UNC13C: variants seen among roughly 807,000 people sequenced by gnomAD.
UNC13C encodes protein unc-13 homolog C.
UNC13C carries 174 observed loss-of-function variants against 245.4 expected under a neutral mutation model. The observed-to-expected ratio is 0.71, with a 90% CI of 0.63 to 0.80. The LOEUF (loss-of-function observed/expected upper bound fraction) is 0.80. Ranked by LOEUF, UNC13C falls within the 30% of genes least tolerant of loss-of-function variation. The probability of loss-of-function intolerance (pLI) is 0.00; values close to 1 mark genes in which losing one functional copy is unlikely to be tolerated. For synonymous variants in UNC13C, 992 were observed against 895.1 expected (o/e 1.11, Z -1.93); for missense variants, 2,829 against 2,602.9 (o/e 1.09, Z -1.89).
At chr15:54,336,025 A>G (rs2038565214) in intron 16 of UNC13C, among the ~76,000 whole-genome samples, 1 of 146,340 alleles carries the variant, frequency 6.8e-6, no homozygotes, top group Non-Finnish European at 1.5e-5. Flanking sequence ...TTATTTGTCT[A>G]AAAATTAATA....
At chr15:54,424,744 C>G (rs2040723188) in intron 19 of UNC13C, among the ~76,000 whole-genome samples, 1 of 151,604 alleles carries the variant, frequency 6.6e-6, no homozygotes, top group Non-Finnish European at 1.5e-5. Context: ...TTTTTAGAAT[C>G]ATAGTAGAAG....
chr15:54,447,966 A>G (rs1029473935), intron 19 of UNC13C, among the ~76,000 whole-genome samples: 4 of 152,142 alleles, frequency 2.6e-5, no homozygotes, highest in Non-Finnish European at 4.4e-5. Context: ...AGATTCTGGT[A>G]TGTTGTGTCT....
intron 4 of UNC13C, among the ~76,000 whole-genome samples, chr15:54,226,730 C>A (rs543392505): frequency 6.6e-6 from 1 of 152,180 alleles, no homozygotes; most frequent in Non-Finnish European, 1.5e-5. Flanking sequence ...GCTCCAGGCA[C>A]CAGCACACAT....
intron 5 of UNC13C, among the ~76,000 whole-genome samples, chr15:54,235,436 A>C (rs2035667154): frequency 6.6e-6 from 1 of 152,218 alleles, no homozygotes; most frequent in Non-Finnish European, 1.5e-5. Context: ...AATGACCAGA[A>C]GTTTAATTCA....
chr15:54,515,518 C>CCTGTATCAT (rs1894931942), intron 24 of UNC13C, among the ~76,000 whole-genome samples: 1 of 152,076 alleles, frequency 6.6e-6, no homozygotes, highest in Non-Finnish European at 1.5e-5. Context: ...AATTTGTAAT[C>CCTGTATCAT]TAATATATAC....
At chr15:53,914,999 C>G in the UNC13C span, among the ~76,000 whole-genome samples, 53 of 152,214 alleles carry the variant, frequency 3.5e-4, no homozygotes, top group African/African-American at 1.2e-3. Context: ...AAGAAGGGTG[C>G]CGGGGAATGT....
At chr15:54,055,056 T>C (rs140389657) in intron 2 of UNC13C, among the ~76,000 whole-genome samples, 143 of 152,302 alleles carry the variant, frequency 9.4e-4, no homozygotes, top group Middle Eastern at 3.4e-3. Context: ...GGCATTATTA[T>C]AGGGGTCAAG....
At chr15:54,121,391 C>CTA (rs1345570317) in intron 2 of UNC13C, among the ~76,000 whole-genome samples, 6 of 151,988 alleles carry the variant, frequency 3.9e-5, no homozygotes, top group Admixed American at 3.9e-4. Context: ...AGACCTAATG[C>CTA]TATTAAACTA....
intron 30 of UNC13C, among the ~76,000 whole-genome samples, chr15:54,596,725 C>G (rs1414432531): frequency 6.6e-6 from 1 of 152,102 alleles, no homozygotes; most frequent in African/African-American, 2.4e-5. Context: ...GCTGCCCTCC[C>G]CATGGAAATG....
intron 2 of UNC13C, among the ~76,000 whole-genome samples, chr15:54,022,173 A>T (rs1895928833): frequency 6.6e-6 from 1 of 152,234 alleles, no homozygotes; most frequent in Admixed American, 6.5e-5. Context: ...ATTTTCTGAA[A>T]TGGCCGTGCT....
At chr15:54,509,523 C>A (rs1894642288) in intron 23 of UNC13C, among the ~76,000 whole-genome samples, 1 of 151,844 alleles carries the variant, frequency 6.6e-6, no homozygotes, top group Non-Finnish European at 1.5e-5. Context: ...AACTTTGTTC[C>A]AGATTGAGAT....
intron 17 of UNC13C, among the ~76,000 whole-genome samples, chr15:54,347,034 G>A (rs539003824): frequency 6.6e-6 from 1 of 152,238 alleles, no homozygotes; most frequent in South Asian, 2.1e-4. Context: ...GGTTATTTTA[G>A]GAACCTGGAA....
chr15:54,096,840 G>A (rs937457731), intron 2 of UNC13C, among the ~76,000 whole-genome samples: 11 of 152,072 alleles, frequency 7.2e-5, no homozygotes, highest in Admixed American at 6.6e-4. Flanking sequence ...CTCTCTATAT[G>A]TATGTATGTA....
At chr15:54,441,276 T>C (rs1400883207) in intron 19 of UNC13C, among the ~76,000 whole-genome samples, 1 of 152,118 alleles carries the variant, frequency 6.6e-6, no homozygotes, top group Non-Finnish European at 1.5e-5. Context: ...TCAAGTTCTC[T>C]TCTAGCAGTT....
chr15:53,930,743 A>C, the UNC13C span, among the ~76,000 whole-genome samples: 5 of 152,220 alleles, frequency 3.3e-5, no homozygotes, highest in African/African-American at 4.8e-5. Flanking sequence ...ATTATACTGT[A>C]CTAAAGATTA....
chr15:54,553,280 GAAT>G (rs1896935788), intron 28 of UNC13C, among the ~76,000 whole-genome samples: 1 of 93,486 alleles, frequency 1.1e-5, no homozygotes, highest in Admixed American at 1.5e-4. Context: ...TTACAATATA[GAAT>G]ATTATATATT....
chr15:53,897,686 G>T, the UNC13C span, among the ~76,000 whole-genome samples: 2 of 152,150 alleles, frequency 1.3e-5, no homozygotes, highest in African/African-American at 2.4e-5. Context: ...TGCCATTTTG[G>T]CCACTTTTCC....
chr15:54,558,786 A>G (rs1009849754), intron 29 of UNC13C, among the ~76,000 whole-genome samples: 2 of 151,972 alleles, frequency 1.3e-5, no homozygotes, highest in Admixed American at 6.6e-5. Context: ...TTTGAAAGTA[A>G]AAGTAGAAAA....
intron 4 of UNC13C, among the ~76,000 whole-genome samples, chr15:54,213,087 T>G (rs2034935673): frequency 6.6e-6 from 1 of 152,036 alleles, no homozygotes; most frequent in Admixed American, 6.6e-5. Context: ...TTGGACAATC[T>G]TCTAATTTCT....
Sources: allele counts gnomAD v4.1 joint callset (sites outside exome capture counted in the v4.1 genomes callset), GRCh38; gene constraint gnomAD v4.1.1; transcripts MANE v1.5; gene names NCBI Gene and HGNC (gene_info 2026-07-23, HGNC 2026-07-21).